Variants in KCND2 observed in about 807,000 individuals in gnomAD.
KCND2 encodes the protein A-type voltage-gated potassium channel KCND2.
Under a neutral mutation model 54.4 loss-of-function variants are expected in KCND2, and 16 were observed. That is an observed-to-expected ratio of 0.29 (90% CI 0.20 to 0.45). The LOEUF is 0.45. Ranked by LOEUF, KCND2 falls within the 20% of genes least tolerant of loss-of-function variation. The pLI is 1.00. For missense variants in KCND2, 486 were observed against 824.2 expected (o/e 0.59, Z 5.02); for synonymous variants, 317 against 310.7 (o/e 1.02, Z -0.21).
chr7:120,687,807 A>G (rs892656001), intron 1 of KCND2, among the ~76,000 whole-genome samples: 2 of 152,210 alleles, frequency 1.3e-5, no homozygotes, highest in African/African-American at 2.4e-5. Context: ...TGTTACATAA[A>G]TATATAATTA....
chr7:120,697,664 G>C (rs893181112), intron 1 of KCND2, among the ~76,000 whole-genome samples: 1 of 152,188 alleles, frequency 6.6e-6, no homozygotes, highest in African/African-American at 2.4e-5. Flanking sequence ...CCAACTGCAA[G>C]AGAATAAAAA....
chr7:120,490,896 G>A (rs1802769025), intron 1 of KCND2, among the ~76,000 whole-genome samples: 1 of 152,222 alleles, frequency 6.6e-6, no homozygotes, highest in Non-Finnish European at 1.5e-5. Context: ...TCTCATTGCT[G>A]AAGTTATAAC....
At chr7:120,512,795 T>C (rs1378750359) in intron 1 of KCND2, among the ~76,000 whole-genome samples, 1 of 150,174 alleles carries the variant, frequency 6.7e-6, no homozygotes, top group Non-Finnish European at 1.5e-5. Context: ...TTGAGGTTTC[T>C]TTTTTCTTTT....
chr7:120,507,616 T>C (rs1803046281), intron 1 of KCND2, among the ~76,000 whole-genome samples: 1 of 151,902 alleles, frequency 6.6e-6, no homozygotes. Context: ...AACAACTATC[T>C]TAGAATATGA....
intron 1 of KCND2, among the ~76,000 whole-genome samples, chr7:120,576,593 A>G (rs1435144148): frequency 6.6e-6 from 1 of 152,194 alleles, no homozygotes; most frequent in African/African-American, 2.4e-5. Context: ...AATGTTAAAA[A>G]TCTCACACTA....
intron 1 of KCND2, among the ~76,000 whole-genome samples, chr7:120,358,261 C>G (rs776080748): frequency 6.6e-6 from 1 of 152,058 alleles, no homozygotes; most frequent in Non-Finnish European, 1.5e-5. Flanking sequence ...AAAATCCTCT[C>G]GAAGTTGTCA....
At chr7:120,740,977 T>C (rs182536268) in intron 2 of KCND2, 40 of 418,954 alleles carry the variant, frequency 9.5e-5, no homozygotes, top group African/African-American at 8.1e-4. Context: ...CTACCTAGGC[T>C]AATTTAAAGG....
intron 1 of KCND2, among the ~76,000 whole-genome samples, chr7:120,625,852 A>G (rs1161532793): frequency 1.3e-5 from 2 of 152,094 alleles, no homozygotes; most frequent in Non-Finnish European, 2.9e-5. Context: ...GTTTACTATC[A>G]TTGATTAAAA....
intron 1 of KCND2, among the ~76,000 whole-genome samples, chr7:120,389,947 C>G (rs1461140103): frequency 6.6e-6 from 1 of 151,852 alleles, no homozygotes; most frequent in Non-Finnish European, 1.5e-5. Context: ...GGTTTGGACA[C>G]TATAAACTTA....
At chr7:120,365,181 GGAAGGAAGGAAGGGAGGAAA>G (rs1272813971) in intron 1 of KCND2, among the ~76,000 whole-genome samples, 34 of 139,676 alleles carry the variant, frequency 2.4e-4, no homozygotes, top group African/African-American at 8.6e-4. Flanking sequence ...AGCAAAGAGA[GGAAGGAAGGAAGGGAGGAAA>G]GAAGGAAGGA....
intron 1 of KCND2, among the ~76,000 whole-genome samples, chr7:120,327,454 A>G (rs568264693): frequency 2.6e-5 from 4 of 152,226 alleles, no homozygotes; most frequent in South Asian, 4.1e-4. Context: ...CTTCCTACCT[A>G]TATGAAGAGT....
At chr7:120,611,087 C>A (rs551696292) in intron 1 of KCND2, among the ~76,000 whole-genome samples, 1 of 152,284 alleles carries the variant, frequency 6.6e-6, no homozygotes, top group African/African-American at 2.4e-5. Context: ...CCACAGCCTC[C>A]AGCAGCCCTC....
chr7:120,371,991 C>G (rs1315254616), intron 1 of KCND2, among the ~76,000 whole-genome samples: 2 of 151,878 alleles, frequency 1.3e-5, no homozygotes, highest in African/African-American at 4.8e-5. Context: ...GTGATGAGGA[C>G]ACTTAGGTTG....
At chr7:120,304,445 A>G (rs1454429894) in intron 1 of KCND2, among the ~76,000 whole-genome samples, 2 of 152,118 alleles carry the variant, frequency 1.3e-5, no homozygotes, top group Non-Finnish European at 2.9e-5. Flanking sequence ...CTATAACACA[A>G]TCCTCAATGT....
intron 1 of KCND2, among the ~76,000 whole-genome samples, chr7:120,289,722 A>C (rs191587569): frequency 1.3e-5 from 2 of 152,158 alleles, no homozygotes; most frequent in East Asian, 3.9e-4. Flanking sequence ...GCCAGACATA[A>C]ACGTCAGCCA....
At chr7:120,351,609 A>G (rs1032225381) in intron 1 of KCND2, among the ~76,000 whole-genome samples, 1 of 151,958 alleles carries the variant, frequency 6.6e-6, no homozygotes, top group Admixed American at 6.6e-5. Flanking sequence ...TGGGGACTTC[A>G]TATAATTTAT....
chr7:120,745,826 A>C lies in KCND2; in HGVS notation c.1514A>C (p.Glu505Ala), dbSNP rs773499754. The change falls in exon 5 of 6, where the codon GAA (glutamate) becomes GCA (alanine). Residue 505 changes from glutamate (E) to alanine (A), a missense_variant. Around this residue, in one of 7 missense-constraint regions of KCND2, gnomAD observed 202 missense variants for 252.7 expected, o/e 0.80. Transcript: ENST00000331113. ...CAAGTCTTTGAAGAAAGCTGCATGGAAGTTGCAACTGTTAATCGTCCTTCA... is the reference window on the plus strand; with the variant it reads ...CAAGTCTTTGAAGAAAGCTGCATGGCAGTTGCAACTGTTAATCGTCCTTCA... The part of the protein sequence containing the change: ...DEQVFEESCM[E>A]VATVNRPSSH... The C allele has an allele frequency of 6.2e-7, 1 of 1,613,706 alleles. No homozygotes were observed. Among genetic ancestry groups the C allele is most frequent in the Admixed American group, 1.7e-5 (1 of 59,992 alleles).
intron 1 of KCND2, among the ~76,000 whole-genome samples, chr7:120,666,586 G>A (rs1228094417): frequency 6.6e-6 from 1 of 151,972 alleles, no homozygotes; most frequent in Non-Finnish European, 1.5e-5. Flanking sequence ...AAGTAAGAAT[G>A]TTGCTATTTC....
intron 1 of KCND2, among the ~76,000 whole-genome samples, chr7:120,680,204 A>G (rs1417053454): frequency 6.6e-6 from 1 of 152,098 alleles, no homozygotes; most frequent in Non-Finnish European, 1.5e-5. Context: ...GTTGGAATAG[A>G]AAATATATGA....
Sources: gnomAD v4.1 joint callset for allele counts (sites outside exome capture counted in the v4.1 genomes callset) on GRCh38, gnomAD v4.1.1 for gene constraint, gnomAD v4.1.1 regional missense constraint, MANE v1.5 for transcripts, NCBI Gene and HGNC (gene_info 2026-07-23, HGNC 2026-07-21) for gene names.